Variants in PLAC1 observed in about 807,000 individuals in gnomAD.
PLAC1 encodes the protein placenta-specific protein 1.
For missense variants in PLAC1, 136 were observed against 163.2 expected (o/e 0.83, Z 0.91); for synonymous variants, 68 against 62.1 (o/e 1.09, Z -0.44).
At chrX:134,646,848 C>T (rs1368303808) in intron 1 of PLAC1, among the ~76,000 whole-genome samples, 1 of 112,243 alleles carries the variant, frequency 8.9e-6, no homozygotes, top group African/African-American at 3.2e-5. Context: ...CTTGGCCAAA[C>T]GGCCCTGGAT....
chrX:134,650,937 A>C (rs781184108), intron 1 of PLAC1: 5 of 195,468 alleles, frequency 2.6e-5, no homozygotes, highest in Non-Finnish European at 5.4e-5. Flanking sequence ...CGTGGACCTC[A>C]AGGCTCAGCT....
chrX:134,670,843 T>G (rs188628128), intron 2 of PLAC1, among the ~76,000 whole-genome samples: 1 of 112,295 alleles, frequency 8.9e-6, no homozygotes, highest in African/African-American at 3.2e-5. Context: ...TCCCCCATTC[T>G]AACCTAACAA....
At chrX:134,760,514 A>T (rs2078767197) in intron 1 of PLAC1, among the ~76,000 whole-genome samples, 1 of 111,719 alleles carries the variant, frequency 9.0e-6, no homozygotes, top group African/African-American at 3.3e-5. Flanking sequence ...TTGTTAGATA[A>T]TAGCAAAAGA....
intron 2 of PLAC1, among the ~76,000 whole-genome samples, chrX:134,733,034 G>A (rs1005224739): frequency 3.6e-5 from 4 of 111,748 alleles, no homozygotes; most frequent in Admixed American, 1.9e-4. Flanking sequence ...CAAGGATCCT[G>A]TGTGCCTTCT....
At chrX:134,588,120 A>G (rs1318661652) in intron 2 of PLAC1, among the ~76,000 whole-genome samples, 1 of 111,006 alleles carries the variant, frequency 9.0e-6, no homozygotes, top group Non-Finnish European at 1.9e-5. Flanking sequence ...GGATGCATAT[A>G]GGAAAGTGAT....
chrX:134,758,688 A>T (rs2078762778), intron 1 of PLAC1, among the ~76,000 whole-genome samples: 2 of 112,214 alleles, frequency 1.8e-5, no homozygotes, highest in South Asian at 7.3e-4. Context: ...AAACACTACA[A>T]GAAAACCTAT....
chrX:134,599,804 C>G (rs2078080114), intron 2 of PLAC1, among the ~76,000 whole-genome samples: 1 of 111,292 alleles, frequency 9.0e-6, no homozygotes, highest in Non-Finnish European at 1.9e-5. Context: ...TGACTCTAGC[C>G]CTTCACTCTG....
chrX:134,719,759 C>T (rs1460927343), intron 2 of PLAC1, among the ~76,000 whole-genome samples: 1 of 111,654 alleles, frequency 9.0e-6, no homozygotes, highest in Non-Finnish European at 1.9e-5. Flanking sequence ...CACTGCCCTC[C>T]AGCCTGCATG....
chrX:134,677,540 G>C (rs2078479589), intron 2 of PLAC1, among the ~76,000 whole-genome samples: 1 of 111,215 alleles, frequency 9.0e-6, no homozygotes, highest in Admixed American at 9.5e-5. Flanking sequence ...TTACCACCTA[G>C]AGGAACAGCT....
intron 2 of PLAC1, among the ~76,000 whole-genome samples, chrX:134,726,558 C>A (rs2078674717): frequency 1.8e-5 from 2 of 111,825 alleles, no homozygotes; most frequent in Non-Finnish European, 3.8e-5. Flanking sequence ...GGCGCTGTGG[C>A]TCACGCCTGT....
chrX:134,662,816 C>T (rs1184275590), upstream of PLAC1, among the ~76,000 whole-genome samples: 1 of 111,562 alleles, frequency 9.0e-6, no homozygotes, highest in Non-Finnish European at 1.9e-5. Flanking sequence ...GTAGTCCCAA[C>T]TACTTGGGAG....
chrX:134,702,387 C>T (rs2078586536), intron 2 of PLAC1, among the ~76,000 whole-genome samples: 1 of 112,098 alleles, frequency 8.9e-6, no homozygotes, highest in Admixed American at 9.5e-5. Flanking sequence ...AAATGTGGTG[C>T]ATATACACCA....
intron 2 of PLAC1, among the ~76,000 whole-genome samples, chrX:134,589,769 G>C (rs990483951): frequency 2.7e-5 from 3 of 109,187 alleles, no homozygotes; most frequent in Non-Finnish European, 3.8e-5. Flanking sequence ...GACTCAAAGG[G>C]TAGGAAACCA....
chrX:134,687,033 T>A (rs1308319404), intron 2 of PLAC1, among the ~76,000 whole-genome samples: 1 of 111,278 alleles, frequency 9.0e-6, no homozygotes, highest in Non-Finnish European at 1.9e-5. Flanking sequence ...ACTCTTAAGA[T>A]CAATGTTTTA....
chrX:134,600,310 G>A (rs1389411072), intron 2 of PLAC1, among the ~76,000 whole-genome samples: 3 of 111,490 alleles, frequency 2.7e-5, no homozygotes, highest in African/African-American at 9.8e-5. Flanking sequence ...GGGACTACAT[G>A]TGCATGTCAC....
At chrX:134,616,573 T>C (rs2078181752) in intron 1 of PLAC1, among the ~76,000 whole-genome samples, 1 of 109,258 alleles carries the variant, frequency 9.2e-6, no homozygotes, top group Non-Finnish European at 1.9e-5. Flanking sequence ...GAGGCAGAGC[T>C]TGCAGTGAGC....
chrX:134,647,600 T>C (rs1416267956), intron 1 of PLAC1, among the ~76,000 whole-genome samples: 1 of 110,789 alleles, frequency 9.0e-6, no homozygotes, highest in Non-Finnish European at 1.9e-5. Context: ...CTCCCCGTTA[T>C]GATAGGCAGT....
At chrX:134,566,804 A>G in intron 2 of PLAC1, 64 bp from the exon 3 acceptor site, 1 of 551,462 alleles carries the variant, frequency 1.8e-6, no homozygotes, top group Non-Finnish European at 2.9e-6. Flanking sequence ...CAAACATGAT[A>G]TATTTTTTAA....
chrX:134,705,542 A>G (rs1237547418), intron 2 of PLAC1, among the ~76,000 whole-genome samples: 1 of 111,624 alleles, frequency 9.0e-6, no homozygotes, highest in Non-Finnish European at 1.9e-5. Flanking sequence ...CAGAAACAAT[A>G]AATTAGAATA....
Sources: gnomAD v4.1 joint callset for allele counts (sites outside exome capture counted in the v4.1 genomes callset) on GRCh38, gnomAD v4.1.1 for gene constraint, MANE v1.5 for transcripts, NCBI Gene and HGNC (gene_info 2026-07-23, HGNC 2026-07-21) for gene names.